ZNF646: variants seen among roughly 807,000 people sequenced by gnomAD.
ZNF646 encodes the protein zinc finger protein 646.
Under a neutral mutation model 115.4 loss-of-function variants are expected in ZNF646, and 49 were observed. The ratio of observed to expected loss-of-function variants is 0.42; its 90% CI spans 0.34 to 0.54. ZNF646 has a LOEUF of 0.54. Ranked by LOEUF, ZNF646 falls within the 20% of genes least tolerant of loss-of-function variation. ZNF646 has a pLI of 0.04. For synonymous variants in ZNF646, 933 were observed against 939.0 expected (o/e 0.99, Z 0.12); for missense variants, 2,269 against 2,457.9 (o/e 0.92, Z 1.62).
chr16:31,081,688 G>T lies in ZNF646; in HGVS notation c.5364G>T (p.Thr1788=). 6.3e-7 allele frequency: 1 copy of T among 1,589,178 alleles called. No individual in the cohort carries two copies. The highest frequency in any genetic ancestry group is 8.6e-7 in the Non-Finnish European group (1 of 1,165,576). Residue 1788 remains threonine, a synonymous_variant, in exon 2 of 3, where the codon ACG becomes ACT. Coordinates refer to ENST00000300850, the MANE Select transcript of ZNF646 (RefSeq NM_014699.4). ...AGCAGCAGCACCAGGAGGAGTGGAC[G>T]GTGGCCGGCTCCGGTAGGGGGCATG... is the stretch of plus-strand genomic sequence containing the variant. ...QHQQQHQEEW[T]VAGSGAPVAP... is the part of the protein sequence containing the mutation.
chr16:31,081,007 C>T lies in ZNF646; in HGVS notation c.4683C>T (p.Leu1561=), dbSNP rs779640342. Reference sequence around the variant, plus strand: ...AGACAGACCGACACTATTGCCTGCTCTGCTCCAAGGAGTTCTTAAATCCTG... The same window carrying T: ...AGACAGACCGACACTATTGCCTGCTTTGCTCCAAGGAGTTCTTAAATCCTG... ...TNKTDRHYCL[L]CSKEFLNPVA... is the part of the protein sequence containing the mutation. The change falls in exon 2 of 3, where the codon CTC becomes CTT. Residue 1561 remains leucine, a synonymous_variant. Coordinates refer to ENST00000300850, the MANE Select transcript of ZNF646 (RefSeq NM_014699.4). 3.7e-6 allele frequency: 6 copies of T among 1,613,980 alleles called. No individual in the cohort carries two copies. The highest frequency in any genetic ancestry group is 4.2e-6 in the Non-Finnish European group (5 of 1,180,048).
At chr16:31,076,185 G>C (rs561223657) in intron 1 of ZNF646, 61 bp from the exon 2 acceptor site, 914 of 1,190,286 alleles carry the variant, frequency 7.7e-4, no homozygotes, top group Non-Finnish European at 1.0e-3. Flanking sequence ...CTTGTTGCTC[G>C]TAGAGCCAAG....
Position 31,083,719 on chromosome 16 carries a change from G to A in ZNF646, c.*627G>A, listed in dbSNP as rs1596783599. On this transcript the variant is annotated 3_prime_UTR_variant, in exon 3 of 3. Coordinates refer to ENST00000300850, the MANE Select transcript of ZNF646 (RefSeq NM_014699.4). ...TGCCTGGAATCACACATGACAGGGT[G>A]GGGAGGACAGGGGCAGTAATGCCAT... 6.2e-7 allele frequency: 1 copy of A among 1,612,534 alleles called. No individual in the cohort carries two copies. The highest frequency in any genetic ancestry group is 8.5e-7 in the Non-Finnish European group (1 of 1,179,520).
Position 31,077,008 on chromosome 16 carries a change from C to A in ZNF646, c.684C>A (p.Thr228=). The part of the protein sequence containing the change: ...VVNFTGGQEP[T]QSPPAEEERR... ...ACTTCACAGGGGGCCAGGAGCCCACCCAGTCCCCTCCTGCTGAGGAGGAGC... is the reference window on the plus strand; with the variant it reads ...ACTTCACAGGGGGCCAGGAGCCCACACAGTCCCCTCCTGCTGAGGAGGAGC... The change falls in exon 2 of 3, where the codon ACC becomes ACA. Residue 228 remains threonine, a synonymous_variant. Coordinates refer to ENST00000300850, the MANE Select transcript of ZNF646 (RefSeq NM_014699.4). 1 of 1,613,986 alleles carries A rather than the reference C, an allele frequency of 6.2e-7. No individual in the cohort carries two copies. Among genetic ancestry groups the A allele is most frequent in the Non-Finnish European group, 8.5e-7 (1 of 1,179,934 alleles).
At position 31,083,267 on chromosome 16, in the gene ZNF646, C is replaced by T. The variant is rs1166499894; in HGVS notation, c.*175C>T. ...GAGGGGGTGGGGTGTTCCTCGCGTC[C>T]CTGTCCTTGAAGGACCTCCTTCCCC... On this transcript the variant is annotated 3_prime_UTR_variant, in exon 3 of 3. Transcript: ENST00000300850. 3.7e-6 allele frequency: 4 copies of T among 1,094,068 alleles called. No homozygotes were observed. In the African/African-American group the frequency reaches 6.6e-5, roughly 18 times the overall value. The allele number at this position is 1,094,068 out of a possible 1,614,324, so 67.8% of individuals were successfully genotyped here.
Position 31,079,399 on chromosome 16 carries a change from A to G in ZNF646, c.3075A>G (p.Gln1025=). 6.2e-7 allele frequency: 1 copy of G among 1,614,100 alleles called. No homozygotes were observed. The highest frequency in any genetic ancestry group is 8.5e-7 in the Non-Finnish European group (1 of 1,180,028). Residue 1025 remains glutamine, a synonymous_variant, in exon 2 of 3, where the codon CAA becomes CAG. Transcript: ENST00000300850. The surrounding 1 kb of genome is among the most constrained non-coding windows in gnomAD (Gnocchi z 5.5). ...VSGEGGDAKS[Q]EGAGTPLGDS... Reference sequence around the variant, plus strand: ...GAGAGGGTGGAGATGCCAAGTCTCAAGAGGGAGCAGGCACCCCCTTGGGAG... The same window carrying G: ...GAGAGGGTGGAGATGCCAAGTCTCAGGAGGGAGCAGGCACCCCCTTGGGAG...
At position 31,083,450 on chromosome 16, in the gene ZNF646, AATTT is replaced by A. The variant is rs1312548225; in HGVS notation, c.*364_*367del. On this transcript the variant is annotated 3_prime_UTR_variant, in exon 3 of 3. Transcript: ENST00000300850. ...TATTTTCTAAAGTCTATTTTGTAAC[AATTT>A]ATTTAAGTTTAAAAAAAGGAAAACT... is the stretch of plus-strand genomic sequence containing the variant. 3.1e-6 allele frequency: 4 copies of A among 1,305,464 alleles called. No individual in the cohort carries two copies. The highest frequency in any genetic ancestry group is 1.5e-5 in the African/African-American group (1 of 65,510). 80.9% of individuals were successfully genotyped at this position (1,305,464 alleles called of 1,614,324 possible).
At chr16:31,072,725 C>G (rs2143783826), upstream of ZNF646, 1 of 152,474 alleles carries the variant, frequency 6.6e-6, no homozygotes. Context: ...AGTTCACAAC[C>G]TGATCCCAAC....
At position 31,081,591 on chromosome 16, in the gene ZNF646, C is replaced by G. The variant is rs978643265; in HGVS notation, c.5267C>G (p.Pro1756Arg). The G allele has an allele frequency of 6.2e-7, 1 of 1,612,162 alleles. No homozygotes were observed. Among genetic ancestry groups the G allele is most frequent in the Non-Finnish European group, 8.5e-7 (1 of 1,179,524 alleles). The change falls in exon 2 of 3, where the codon CCC becomes CGC. Residue 1756 changes from proline to arginine, a missense_variant. Physicochemically the swap from Pro to Arg is moderately radical, Grantham distance 103. Coordinates refer to ENST00000300850, the MANE Select transcript of ZNF646 (RefSeq NM_014699.4). ...GAGGGCCACGGGCGGGTCCATGCAC[C>G]CCGGGAGGGGCCTTTCACCTGCCCC... ...RLEGHGRVHAPREGPFTCPHC... is the reference protein window; with the variant it reads ...RLEGHGRVHARREGPFTCPHC...
Position 31,083,192 on chromosome 16 carries a change from C to T in ZNF646, c.*100C>T. On this transcript the variant is annotated 3_prime_UTR_variant, in exon 3 of 3. Coordinates refer to ENST00000300850, the MANE Select transcript of ZNF646 (RefSeq NM_014699.4). ...AGGAGTAGTTCGGGCATCCCCATAT[C>T]TTCTCCTCTCCCCTTGTGAAGAGGA... 3 of 1,483,682 alleles carry T rather than the reference C, an allele frequency of 2.0e-6. No homozygotes were observed. Among genetic ancestry groups the T allele is most frequent in the Admixed American group, 2.4e-5 (1 of 41,788 alleles). 91.9% of individuals were successfully genotyped at this position (1,483,682 alleles called of 1,614,324 possible).
rs1026617716 is a variant in ZNF646, at chr16:31,084,067, G to A, written c.*975G>A. 1.9e-6 allele frequency: 3 copies of A among 1,538,804 alleles called. No homozygotes were observed. The highest frequency in any genetic ancestry group is 2.4e-5 in the South Asian group (2 of 82,156). Reference sequence around the variant, plus strand: ...TAGAACGGCACGTTCTCACTGGAGAGAGAAGGGTCCTGGAGAGGCAGGGTT... The same window carrying A: ...TAGAACGGCACGTTCTCACTGGAGAAAGAAGGGTCCTGGAGAGGCAGGGTT... On this transcript the variant is annotated 3_prime_UTR_variant, in exon 3 of 3. Coordinates refer to ENST00000300850, the MANE Select transcript of ZNF646 (RefSeq NM_014699.4).
intron 1 of ZNF646, chr16:31,075,840 C>T (rs1182302407): frequency 6.5e-6 from 1 of 153,528 alleles, no homozygotes; most frequent in East Asian, 1.9e-4. Flanking sequence ...ATTGAAAGGC[C>T]TAGAGAAGGT....
At position 31,079,727 on chromosome 16, in the gene ZNF646, A is replaced by G. The variant is rs1189131918; in HGVS notation, c.3403A>G (p.Lys1135Glu). 6.2e-7 allele frequency: 1 copy of G among 1,613,596 alleles called. No homozygotes were observed. The highest frequency in any genetic ancestry group is 8.5e-7 in the Non-Finnish European group (1 of 1,180,018). ...GCCCATCCCAGAAGGAGGCAGCAAC[A>G]AGCCCCAGCACATGGCAGAGGAGGG... ...VGPIPEGGSN[K>E]PQHMAEEGPG... is the part of the protein sequence containing the mutation. Residue 1135 changes from lysine (K) to glutamate (E), a missense_variant, in exon 2 of 3, where the codon AAG (lysine) becomes GAG (glutamate). Transcript: ENST00000300850. This position sits in a 1 kb window ranked among gnomAD's most constrained non-coding sequence, Gnocchi z 5.5.
In ZNF646 at chr16:31,079,225, C is replaced by T. The variant is rs140492151; in HGVS notation, c.2901C>T (p.Tyr967=). Residue 967 remains tyrosine, a synonymous_variant, in exon 2 of 3, where the codon TAC becomes TAT. Coordinates refer to ENST00000300850, the MANE Select transcript of ZNF646 (RefSeq NM_014699.4). This position sits in a 1 kb window ranked among gnomAD's most constrained non-coding sequence, Gnocchi z 5.5. ...GHICGCCGQT[Y]DDLGSLERHH... ...TCTGTGGCTGCTGTGGTCAGACCTA[C>T]GATGACCTGGGGAGCCTGGAGCGTC... is the stretch of plus-strand genomic sequence containing the variant. 2.7e-4 allele frequency: 443 copies of T among 1,613,526 alleles called. No individual in the cohort carries two copies. Among genetic ancestry groups the T allele is most frequent in the Non-Finnish European group, 3.5e-4 (415 of 1,180,034 alleles).
upstream of ZNF646, chr16:31,074,149 T>C (rs2303222): frequency 0.37 from 56,253 of 152,170 alleles, 11,563 homozygotes; most frequent in East Asian, 0.89. Flanking sequence ...ACCAAAGTAC[T>C]GTGGCCAGGG....
chr16:31,073,327 C>T (rs1221858900), upstream of ZNF646: 4 of 152,338 alleles, frequency 2.6e-5, no homozygotes, highest in Non-Finnish European at 4.4e-5. Flanking sequence ...CCGCCGGCGC[C>T]TGGGATCTTG....
At position 31,080,578 on chromosome 16, in the gene ZNF646, C is replaced by A; in HGVS notation, c.4254C>A (p.Thr1418=). Residue 1418 remains threonine (T), a synonymous_variant, in exon 2 of 3, where the codon ACC becomes ACA. Coordinates refer to ENST00000300850, the MANE Select transcript of ZNF646 (RefSeq NM_014699.4). The part of the protein sequence containing the change: ...ANLTGSQGLE[T]QLGGAEPVPH... ...TGACTGGCAGCCAGGGACTAGAGAC[C>A]CAATTGGGTGGTGCTGAGCCAGTAC... 6.2e-7 allele frequency: 1 copy of A among 1,614,004 alleles called. No homozygotes were observed. The highest frequency in any genetic ancestry group is 8.5e-7 in the Non-Finnish European group (1 of 1,179,998).
At chr16:31,081,873 G>C in intron 2 of ZNF646, 172 bp downstream of exon 2, 1 of 1,152,130 alleles carries the variant, frequency 8.7e-7, no homozygotes, top group South Asian at 1.7e-5. Context: ...GTGCTGAGCT[G>C]AGCACCCGCA....
At position 31,078,103 on chromosome 16, in the gene ZNF646, T is replaced by C; in HGVS notation, c.1779T>C (p.His593=). The C allele has an allele frequency of 6.2e-7, 1 of 1,614,198 alleles. No individual in the cohort carries two copies. Among genetic ancestry groups the C allele is most frequent in the Non-Finnish European group, 8.5e-7 (1 of 1,180,046 alleles). The change falls in exon 2 of 3, where the codon CAT becomes CAC. Residue 593 remains histidine, a synonymous_variant. Transcript: ENST00000300850. ...LFEDAESLER[H]GLTHGAGEKE... Reference sequence around the variant, plus strand: ...AAGACGCTGAGAGCCTTGAACGTCATGGCCTGACTCATGGGGCAGGGGAAA... The same window carrying C: ...AAGACGCTGAGAGCCTTGAACGTCACGGCCTGACTCATGGGGCAGGGGAAA...
Sources: gnomAD v4.1 joint callset for allele counts on GRCh38, gnomAD v4.1.1 for gene constraint, Gnocchi (gnomAD v3.1) non-coding constraint, MANE v1.5 for transcripts, NCBI Gene and HGNC (gene_info 2026-07-23, HGNC 2026-07-21) for gene names.